ZNF385D: variants seen among roughly 807,000 people sequenced by gnomAD.
ZNF385D encodes zinc finger protein 385D.
In ZNF385D, 15 loss-of-function variants were observed where a neutral mutation model predicts 35.8. That is an observed-to-expected ratio of 0.42 (90% CI 0.28 to 0.64). ZNF385D has a LOEUF of 0.64. Among genes scored for constraint, ZNF385D ranks in the 30% least tolerant of loss-of-function variants. The probability of loss-of-function intolerance (pLI) is 0.23; values close to 1 mark genes in which losing one functional copy is unlikely to be tolerated. For synonymous variants in ZNF385D, 212 were observed against 186.8 expected (o/e 1.13, Z -1.10); for missense variants, 474 against 494.6 (o/e 0.96, Z 0.39).
chr3:22,276,761 A>T (rs764443658), intron 2 of ZNF385D, among the ~76,000 whole-genome samples: 1 of 152,110 alleles, frequency 6.6e-6, no homozygotes, highest in Non-Finnish European at 1.5e-5. Context: ...CTGCTTATGG[A>T]TGGGACTCCA....
At chr3:21,541,423 A>C (rs1432784767) in intron 3 of ZNF385D, among the ~76,000 whole-genome samples, 5 of 152,196 alleles carry the variant, frequency 3.3e-5, no homozygotes, top group African/African-American at 1.2e-4. Flanking sequence ...GGCCATGGAG[A>C]CACTTGAGAA....
chr3:21,583,519 T>A (rs2063724834), intron 2 of ZNF385D, among the ~76,000 whole-genome samples: 1 of 152,176 alleles, frequency 6.6e-6, no homozygotes, highest in Non-Finnish European at 1.5e-5. Flanking sequence ...GAGGTAAATA[T>A]TTAAAACACT....
intron 2 of ZNF385D, among the ~76,000 whole-genome samples, chr3:22,298,165 T>G (rs1702694314): frequency 6.6e-6 from 1 of 151,934 alleles, no homozygotes; most frequent in African/African-American, 2.4e-5. Context: ...TGTAAGCTAT[T>G]AAAGATAAAT....
intron 3 of ZNF385D, among the ~76,000 whole-genome samples, chr3:21,894,625 G>A (rs1432541425): frequency 1.3e-5 from 2 of 152,126 alleles, no homozygotes; most frequent in African/African-American, 4.8e-5. Flanking sequence ...TAGTTTGTGA[G>A]TTGTAATTAT....
At chr3:21,961,613 T>A (rs1011344588) in intron 3 of ZNF385D, 11 of 152,186 alleles carry the variant, frequency 7.2e-5, no homozygotes, top group African/African-American at 2.7e-4. Context: ...TTAAAATGTC[T>A]AAAGTAGGGC....
In ZNF385D at chr3:22,082,404, G is replaced by A. The variant is rs890121524; in HGVS notation, c.325+86413C>T. ...ATGGCACACCAGGGGATTATATTCC[G>A]TGCCTGGCTCTGTGGGTCCCATGCC... is the stretch of plus-strand genomic sequence containing the variant. On this transcript the variant is annotated intron_variant, in intron 3 of 5. Transcript: ENST00000494108. Among the ~76,000 whole-genome samples, 16 of 152,134 alleles carry A rather than the reference G, an allele frequency of 1.1e-4. 1 individual carries two copies. The highest frequency in any genetic ancestry group is 5.2e-4 in the Admixed American group (8 of 15,270).
At chr3:22,246,960 C>A (rs1209055259) in intron 2 of ZNF385D, among the ~76,000 whole-genome samples, 2 of 151,910 alleles carry the variant, frequency 1.3e-5, no homozygotes, top group East Asian at 3.9e-4. Context: ...TGCACACACA[C>A]AATTTCAATT....
At chr3:21,811,491 G>C (rs1190174158) in intron 3 of ZNF385D, among the ~76,000 whole-genome samples, 1 of 151,976 alleles carries the variant, frequency 6.6e-6, no homozygotes, top group African/African-American at 2.4e-5. Context: ...GTAACTGATG[G>C]AATACAAAAT....
At chr3:22,177,710 T>A (rs928432021) in intron 2 of ZNF385D, among the ~76,000 whole-genome samples, 1 of 152,176 alleles carries the variant, frequency 6.6e-6, no homozygotes, top group Non-Finnish European at 1.5e-5. Context: ...ATTAGGTATA[T>A]CTCCAAATGC....
At position 21,791,653 on chromosome 3, in the gene ZNF385D, A is replaced by G. The variant is rs1257531888; in HGVS notation, c.326-126625T>C. On this transcript the variant is annotated intron_variant, in intron 3 of 5. Transcript: ENST00000494108. Reference sequence around the variant, plus strand: ...CTATTTAATGGCCTCTAACATTATGAATCAAAATGAAAACTAATACAAAGT... The same window carrying G: ...CTATTTAATGGCCTCTAACATTATGGATCAAAATGAAAACTAATACAAAGT... 2.0e-5 allele frequency among the ~76,000 whole-genome samples: 3 copies of G among 152,222 alleles called. No individual in the cohort carries two copies. The East Asian group carries it at 5.8e-4, about 29-fold the overall frequency.
chr3:21,549,314 G>A (rs948299155), intron 3 of ZNF385D, among the ~76,000 whole-genome samples: 4 of 152,164 alleles, frequency 2.6e-5, no homozygotes, highest in Non-Finnish European at 4.4e-5. Context: ...TGCCAAAGAA[G>A]CACACTGCTT....
chr3:21,590,461 T>C (rs2063942351), intron 2 of ZNF385D, among the ~76,000 whole-genome samples: 1 of 152,168 alleles, frequency 6.6e-6, no homozygotes, highest in Non-Finnish European at 1.5e-5. Flanking sequence ...ACTTTGTATA[T>C]TTGTATACAT....
chr3:22,091,590 G>A (rs1347228259), intron 3 of ZNF385D, among the ~76,000 whole-genome samples: 2 of 150,462 alleles, frequency 1.3e-5, no homozygotes, highest in Non-Finnish European at 1.5e-5. Flanking sequence ...TACCCAGTAG[G>A]AAAAAAAAAG....
intron 4 of ZNF385D, among the ~76,000 whole-genome samples, chr3:21,499,927 A>C (rs1706237768): frequency 6.6e-6 from 1 of 152,200 alleles, no homozygotes; most frequent in South Asian, 2.1e-4. Flanking sequence ...TTCTGCCCTC[A>C]GATTTAAACC....
intron 4 of ZNF385D, among the ~76,000 whole-genome samples, chr3:21,454,384 T>A (rs1286200286): frequency 1.3e-5 from 2 of 152,148 alleles, no homozygotes; most frequent in Non-Finnish European, 2.9e-5. Context: ...TTAAGCAAAT[T>A]TCCTTGCAGT....
intron 2 of ZNF385D, among the ~76,000 whole-genome samples, chr3:22,191,435 C>T (rs973169606): frequency 1.3e-5 from 2 of 149,428 alleles, no homozygotes; most frequent in Admixed American, 6.8e-5. Flanking sequence ...TGCAGTGAGC[C>T]GAGATAGTAC....
At chr3:21,709,454 C>T (rs2068022161) in intron 1 of ZNF385D, among the ~76,000 whole-genome samples, 1 of 151,918 alleles carries the variant, frequency 6.6e-6, no homozygotes, top group African/African-American at 2.4e-5. Context: ...GGGGTTCTCT[C>T]AGGCAACTTC....
intron 3 of ZNF385D, among the ~76,000 whole-genome samples, chr3:22,146,577 G>C (rs1039713481): frequency 1.3e-5 from 2 of 151,914 alleles, no homozygotes; most frequent in Non-Finnish European, 2.9e-5. Context: ...GCCTGTACTT[G>C]CTAAATTATA....
At chr3:21,865,451 T>G (rs1383508688) in intron 3 of ZNF385D, among the ~76,000 whole-genome samples, 1 of 152,136 alleles carries the variant, frequency 6.6e-6, no homozygotes, top group Middle Eastern at 3.2e-3. Flanking sequence ...TAAGGCATTT[T>G]GAATGGGTCC....
Sources: gnomAD v4.1 joint callset for allele counts (sites outside exome capture counted in the v4.1 genomes callset) on GRCh38, gnomAD v4.1.1 for gene constraint, MANE v1.5 for transcripts, NCBI Gene and HGNC (gene_info 2026-07-23, HGNC 2026-07-21) for gene names.